RAB31: variants seen among roughly 807,000 people sequenced by gnomAD.
RAB31 encodes the protein RAB31, member RAS oncogene family, also known as ras-related protein Rab-31.
A neutral mutation model predicts 25.6 loss-of-function variants in RAB31; 21 were observed. The observed-to-expected ratio is 0.82, with a 90% CI of 0.58 to 1.18. The LOEUF (loss-of-function observed/expected upper bound fraction) is 1.18. RAB31 is among the 50% of genes most tolerant of loss of function. The pLI is 0.00. For missense variants in RAB31, 196 were observed against 250.1 expected, an observed-to-expected ratio of 0.78 and a Z score of 1.46; for synonymous variants, 87 against 84.0, an observed-to-expected ratio of 1.04 and a Z score of -0.20.
At chr18:9,741,568 G>C (rs920591598) in intron 1 of RAB31, among the ~76,000 whole-genome samples, 10 of 152,094 alleles carry the variant, frequency 6.6e-5, no homozygotes, top group African/African-American at 2.4e-4. Context: ...CCAGTGGGAA[G>C]TCCTTTCTGT....
At chr18:9,809,209 T>G (rs1446487436) in intron 3 of RAB31, among the ~76,000 whole-genome samples, 1 of 152,208 alleles carries the variant, frequency 6.6e-6, no homozygotes, top group Non-Finnish European at 1.5e-5. Flanking sequence ...TGGAAAAACC[T>G]CAGCTTTGTG....
chr18:9,810,240 A>G (rs1355116768), intron 3 of RAB31, among the ~76,000 whole-genome samples: 1 of 152,258 alleles, frequency 6.6e-6, no homozygotes, highest in African/African-American at 2.4e-5. Flanking sequence ...CTTTCAAGGT[A>G]AGATGTAAAA....
At chr18:9,806,082 C>T (rs2068539340) in intron 3 of RAB31, among the ~76,000 whole-genome samples, 1 of 151,844 alleles carries the variant, frequency 6.6e-6, no homozygotes, top group Non-Finnish European at 1.5e-5. Flanking sequence ...GAGGCTGAGG[C>T]AGGAGAATGG....
rs181487069 is a variant in RAB31 at position 9,799,326 on chromosome 18, C to T, written c.201+7091C>T. On this transcript the variant is annotated intron_variant, in intron 3 of 6. Transcript: ENST00000578921. ...GTGGAATGATTGCACCAAGTTCTGC[C>T]TAACATACACAGCATTCTGGTTAAT... is the stretch of plus-strand genomic sequence containing the variant. Among the ~76,000 whole-genome samples the T allele has an allele frequency of 2.5e-4, 38 of 152,300 alleles. No homozygotes were observed. The East Asian group carries it at 5.6e-3, about 22-fold the overall frequency.
chr18:9,813,948 C>A, intron 3 of RAB31, 72 bp from the exon 4 acceptor site: 1 of 1,057,186 alleles, frequency 9.5e-7, no homozygotes, highest in Non-Finnish European at 1.4e-6. Context: ...TAGGATAAAA[C>A]GTTTATGTTT....
chr18:9,779,097 C>T (rs2068389087), intron 2 of RAB31, among the ~76,000 whole-genome samples: 1 of 152,028 alleles, frequency 6.6e-6, no homozygotes. Flanking sequence ...CAGAAGGGAT[C>T]GAATTAGAAG....
intron 1 of RAB31, among the ~76,000 whole-genome samples, chr18:9,755,797 T>C (rs2068257760): frequency 6.6e-6 from 1 of 152,166 alleles, no homozygotes; most frequent in Non-Finnish European, 1.5e-5. Context: ...GCGTGCCTCA[T>C]CTCTGACCTC....
Position 9,859,573 on chromosome 18 carries a change from G to T in RAB31, c.*248G>T. On this transcript the variant is annotated 3_prime_UTR_variant, in exon 7 of 7. Coordinates refer to ENST00000578921, the MANE Select transcript of RAB31 (RefSeq NM_006868.4). ...TGTATGAAATGCACATGGAGGGGAT[G>T]TAGTTGCATTTTTGCTAAAAAAAAA... The T allele has an allele frequency of 2.3e-5, 7 of 302,566 alleles. No individual in the cohort carries two copies. Among genetic ancestry groups the T allele is most frequent in the South Asian group, 1.3e-4 (1 of 7,924 alleles). The allele number at this position is 302,566 out of a possible 1,614,324, so 18.7% of individuals were successfully genotyped here. A position where few individuals can be genotyped will look rare whatever the true frequency, so the allele number is the denominator to read the frequency against.
At chr18:9,799,137 G>C (rs1480896098) in intron 3 of RAB31, among the ~76,000 whole-genome samples, 1 of 152,166 alleles carries the variant, frequency 6.6e-6, no homozygotes, top group Non-Finnish European at 1.5e-5. Flanking sequence ...GGCTGGGCTT[G>C]AACTCCTGGC....
chr18:9,854,265 G>A (rs143190884), intron 6 of RAB31, among the ~76,000 whole-genome samples: 74 of 152,200 alleles, frequency 4.9e-4, no homozygotes, highest in African/African-American at 1.7e-3. Flanking sequence ...TGCTGAGAAC[G>A]TGGAGGGGAA....
At chr18:9,803,560 T>C (rs749308377) in intron 3 of RAB31, among the ~76,000 whole-genome samples, 3 of 151,814 alleles carry the variant, frequency 2.0e-5, no homozygotes, top group Non-Finnish European at 4.4e-5. Flanking sequence ...AACTGAGTGA[T>C]GATTGTGTGG....
At chr18:9,731,384 A>C (rs796189935) in intron 1 of RAB31, among the ~76,000 whole-genome samples, 3 of 152,332 alleles carry the variant, frequency 2.0e-5, no homozygotes, top group African/African-American at 7.2e-5. Context: ...GACAGAATAA[A>C]GTAAAAGAGA....
chr18:9,751,969 G>A (rs189263372), intron 1 of RAB31, among the ~76,000 whole-genome samples: 1 of 152,306 alleles, frequency 6.6e-6, no homozygotes, highest in Admixed American at 6.5e-5. Context: ...GACAGGGATT[G>A]TACTAGAATC....
intron 3 of RAB31, among the ~76,000 whole-genome samples, chr18:9,812,455 G>A (rs1215017485): frequency 6.6e-6 from 1 of 151,922 alleles, no homozygotes. Flanking sequence ...GAGTATGTGT[G>A]CCTCCCTTCC....
At chr18:9,754,999 A>G (rs567719379) in intron 1 of RAB31, among the ~76,000 whole-genome samples, 2 of 152,298 alleles carry the variant, frequency 1.3e-5, no homozygotes, top group East Asian at 3.9e-4. Flanking sequence ...ATGGAGGTCT[A>G]CAGCTTGGGT....
chr18:9,711,400 TCTCACTCTGTC>T (rs2068016598), intron 1 of RAB31, among the ~76,000 whole-genome samples: 1 of 152,080 alleles, frequency 6.6e-6, no homozygotes, highest in Non-Finnish European at 1.5e-5. Flanking sequence ...TGAGATAGGG[TCTCACTCTGTC>T]ACCCAGGCTG....
At chr18:9,834,173 C>T (rs998224383) in intron 5 of RAB31, among the ~76,000 whole-genome samples, 2 of 151,968 alleles carry the variant, frequency 1.3e-5, no homozygotes, top group African/African-American at 2.4e-5. Context: ...TAGAGTACAA[C>T]GGTGTAATCT....
intron 5 of RAB31, among the ~76,000 whole-genome samples, chr18:9,819,478 G>A (rs1222634800): frequency 6.6e-6 from 1 of 152,118 alleles, no homozygotes; most frequent in Non-Finnish European, 1.5e-5. Flanking sequence ...TAGCTTTGTA[G>A]TAAGTTTGAA....
In RAB31 at chr18:9,800,138, T is replaced by G. The variant is rs77837015; in HGVS notation, c.201+7903T>G. On this transcript the variant is annotated intron_variant, in intron 3 of 6. Transcript: ENST00000578921. ...CCTGCGGGAGCCTAGAGTCAACACA[T>G]AGAGTGGCTTTTAGCGAGAGGAGCT... 2.3e-3 allele frequency among the ~76,000 whole-genome samples: 346 copies of G among 152,300 alleles called. 3 individuals carry two copies. Among genetic ancestry groups the G allele is most frequent in the Non-Finnish European group, 4.0e-3 (271 of 68,030 alleles).
Sources: allele counts gnomAD v4.1 joint callset (sites outside exome capture counted in the v4.1 genomes callset), GRCh38; gene constraint gnomAD v4.1.1; transcripts MANE v1.5; gene names NCBI Gene and HGNC (gene_info 2026-07-23, HGNC 2026-07-21).